PCDHA8: variants seen among roughly 807,000 people sequenced by gnomAD.
The protein encoded by PCDHA8 is protocadherin alpha 8.
In PCDHA8, 53 loss-of-function variants were observed where a neutral mutation model predicts 61.8. The ratio of observed to expected loss-of-function variants is 0.86; its 90% CI spans 0.69 to 1.08. PCDHA8 has a LOEUF of 1.08. PCDHA8 is among the 50% of genes least tolerant of loss of function. The pLI, the probability that PCDHA8 is intolerant of heterozygous loss-of-function variation, is 0.00. For synonymous variants in PCDHA8, 618 were observed against 556.6 expected (o/e 1.11, Z -1.55); for missense variants, 1,293 against 1,245.0 (o/e 1.04, Z -0.58).
intron 3 of PCDHA8, among the ~76,000 whole-genome samples, chr5:140,993,305 G>C (rs1405035028): frequency 6.6e-6 from 1 of 151,998 alleles, no homozygotes; most frequent in African/African-American, 2.4e-5. Flanking sequence ...CTTGCCTCCA[G>C]GATAATACCT....
intron 3 of PCDHA8, among the ~76,000 whole-genome samples, chr5:140,984,583 T>C (rs2097109355): frequency 6.6e-6 from 1 of 152,200 alleles, no homozygotes; most frequent in South Asian, 2.1e-4. Context: ...AACCTAATCA[T>C]ACTTTTCAAT....
intron 1 of PCDHA8, chr5:140,876,814 G>A (rs571648883): frequency 1.1e-5 from 18 of 1,614,108 alleles, no homozygotes; most frequent in Non-Finnish European, 1.5e-5. Context: ...GGTGGCCGAC[G>A]TGAACGACAA....
chr5:140,972,884 G>A (rs763416041), intron 1 of PCDHA8, among the ~76,000 whole-genome samples: 4 of 151,972 alleles, frequency 2.6e-5, no homozygotes, highest in African/African-American at 7.3e-5. Flanking sequence ...GGATGGTCTC[G>A]ATCTCTTGAC....
intron 1 of PCDHA8, chr5:140,877,158 G>A (rs781901798): frequency 1.2e-6 from 2 of 1,613,808 alleles, no homozygotes; most frequent in Admixed American, 3.3e-5. Context: ...ACGACAACGC[G>A]CCGGCACTGC....
At position 141,009,800 on chromosome 5, in the gene PCDHA8, A is replaced by G. The variant is rs148436868; in HGVS notation, c.2716A>G (p.Ser906Gly). The stretch of plus-strand genomic sequence containing the variant: ...CTCCATCCGGCAGGAGCCTACTAAC[A>G]GCCAAATTGACAAAAGTGACTTCAT... ...IISIRQEPTN[S>G]QIDKSDFITF... The change falls in exon 4 of 4, where the codon AGC (serine) becomes GGC (glycine). Residue 906 changes from serine to glycine, a missense_variant. By Grantham distance (56) the Ser-to-Gly change is moderately conservative (BLOSUM62 0). Coordinates refer to ENST00000531613, the MANE Select transcript of PCDHA8 (RefSeq NM_018911.3). 1.2e-4 allele frequency: 190 copies of G among 1,614,158 alleles called. No individual in the cohort carries two copies. In the African/African-American group the frequency reaches 2.3e-3, roughly 19 times the overall value.
intron 1 of PCDHA8, among the ~76,000 whole-genome samples, chr5:140,892,616 G>C (rs781995267): frequency 6.6e-6 from 1 of 151,910 alleles, no homozygotes; most frequent in Non-Finnish European, 1.5e-5. Flanking sequence ...TTTATTTCCA[G>C]TTGGTACATA....
intron 3 of PCDHA8, among the ~76,000 whole-genome samples, chr5:140,991,237 A>G (rs2097440162): frequency 6.6e-6 from 1 of 152,186 alleles, no homozygotes; most frequent in African/African-American, 2.4e-5. Context: ...ATGCAGTGGT[A>G]AAGGCAGTAT....
rs781814958 is a variant in PCDHA8 at position 140,869,604 on chromosome 5, A to G, written c.2394+25889A>G. On this transcript the variant is annotated intron_variant, in intron 1 of 3. Transcript: ENST00000531613. ...ATGCTGACATTGAAGAGAATGCTCTATTGACCTACAGGCTAAGTAAAAATG... is the reference window on the plus strand; with the variant it reads ...ATGCTGACATTGAAGAGAATGCTCTGTTGACCTACAGGCTAAGTAAAAATG... 5 of 1,613,944 alleles carry G rather than the reference A, an allele frequency of 3.1e-6. No individual in the cohort carries two copies. In the African/African-American group the frequency reaches 4.0e-5, roughly 13 times the overall value.
chr5:140,843,736 A>T (rs1779068159), intron 1 of PCDHA8, 21 bp downstream of exon 1: 1 of 1,547,354 alleles, frequency 6.5e-7, no homozygotes, highest in African/African-American at 1.4e-5. Context: ...TTAAATTTAG[A>T]ACTCATAAAT....
At chr5:140,877,816 GATT>G (rs2057354449) in intron 1 of PCDHA8, 1 of 1,609,196 alleles carries the variant, frequency 6.2e-7, no homozygotes, top group East Asian at 2.2e-5. Flanking sequence ...GTCTCGAGAA[GATT>G]GTTTAAATCC....
intron 1 of PCDHA8, among the ~76,000 whole-genome samples, chr5:140,939,327 C>T (rs2092367339): frequency 6.6e-6 from 1 of 152,146 alleles, no homozygotes; most frequent in South Asian, 2.1e-4. Flanking sequence ...ATATCATAAT[C>T]TTAGGGGTTA....
intron 1 of PCDHA8, among the ~76,000 whole-genome samples, chr5:140,936,591 G>T (rs1188475668): frequency 6.6e-6 from 1 of 152,180 alleles, no homozygotes; most frequent in Non-Finnish European, 1.5e-5. Context: ...CAGTTAGATT[G>T]CCTACTTTCC....
At chr5:140,969,141 G>T in intron 1 of PCDHA8, 1 of 1,614,158 alleles carries the variant, frequency 6.2e-7, no homozygotes, top group Non-Finnish European at 8.5e-7. Context: ...AAGACCTACT[G>T]CTACAAGGCC....
intron 1 of PCDHA8, chr5:140,969,475 C>A: frequency 1.4e-6 from 2 of 1,476,386 alleles, no homozygotes; most frequent in South Asian, 1.4e-5. Context: ...ACAATTTGAT[C>A]ATAATCTGCT....
At chr5:140,858,468 G>T in intron 1 of PCDHA8, 1 of 1,521,202 alleles carries the variant, frequency 6.6e-7, no homozygotes, top group Non-Finnish European at 8.9e-7. Context: ...TTCCTTTTGT[G>T]CTTTATGAAT....
intron 1 of PCDHA8, chr5:140,967,992 C>T: frequency 1.2e-6 from 2 of 1,614,250 alleles, no homozygotes; most frequent in Non-Finnish European, 1.7e-6. Flanking sequence ...GCCACACTGC[C>T]TTTCCGACTG....
chr5:140,872,203 T>C (rs2053540668), intron 1 of PCDHA8, among the ~76,000 whole-genome samples: 1 of 152,208 alleles, frequency 6.6e-6, no homozygotes, highest in Non-Finnish European at 1.5e-5. Context: ...CATCATAAAT[T>C]CATTATATAT....
chr5:140,937,805 G>T (rs1192616946), intron 1 of PCDHA8, among the ~76,000 whole-genome samples: 1 of 149,924 alleles, frequency 6.7e-6, no homozygotes, highest in Admixed American at 6.6e-5. Flanking sequence ...CCAGCTACTC[G>T]GGAAGCTGAG....
intron 1 of PCDHA8, chr5:140,928,615 A>T: frequency 6.2e-7 from 1 of 1,614,276 alleles, no homozygotes. Flanking sequence ...CCGCTCTGCC[A>T]GGACTGGACA....
Sources: gnomAD v4.1 joint callset for allele counts (sites outside exome capture counted in the v4.1 genomes callset) on GRCh38, gnomAD v4.1.1 for gene constraint, MANE v1.5 for transcripts, NCBI Gene and HGNC (gene_info 2026-07-23, HGNC 2026-07-21) for gene names.